The following GNAI1 variants were observed in gnomAD, a reference collection of about 807,000 sequenced individuals.
The protein encoded by GNAI1 is guanine nucleotide-binding protein G(i) subunit alpha-1.
GNAI1 carries 11 observed loss-of-function variants against 38.9 expected under a neutral mutation model. The observed-to-expected ratio is 0.28, with a 90% CI of 0.18 to 0.47. GNAI1 has a LOEUF of 0.47. GNAI1 is among the 20% of genes least tolerant of loss of function. The pLI is 0.99. For missense variants in GNAI1, 317 were observed against 436.9 expected (o/e 0.73, Z 2.45); for synonymous variants, 166 against 145.1 (o/e 1.14, Z -1.04).
In GNAI1 at chr7:80,221,830, G is replaced by C. The variant is rs1195287935; in HGVS notation, c.*4337G>C. On this transcript the variant is annotated 3_prime_UTR_variant, in exon 8 of 8. Coordinates refer to ENST00000649796, the MANE Select transcript of GNAI1 (RefSeq NM_002069.6). Reference sequence around the variant, plus strand: ...GCTAATTTTTGTATTTTTAGTAAAGGGGGGTTTCACCATGTTGGCCAGGAT... The same window carrying C: ...GCTAATTTTTGTATTTTTAGTAAAGCGGGGTTTCACCATGTTGGCCAGGAT... 2.0e-5 allele frequency among the ~76,000 whole-genome samples: 3 copies of C among 151,392 alleles called. No homozygotes were observed. The highest frequency in any genetic ancestry group is 2.0e-4 in the Admixed American group (3 of 15,184).
chr7:80,212,584 A>G, intron 6 of GNAI1, 132 bp from the exon 7 acceptor site: 1 of 547,570 alleles, frequency 1.8e-6, no homozygotes, highest in Non-Finnish European at 3.2e-6. Flanking sequence ...CTGAAATGGC[A>G]GAAATGTATT....
intron 1 of GNAI1, among the ~76,000 whole-genome samples, chr7:80,138,402 AGTTTGGG>A (rs1306106719): frequency 6.6e-6 from 1 of 152,138 alleles, no homozygotes; most frequent in Admixed American, 6.5e-5. Flanking sequence ...ATCAGGCCAG[AGTTTGGG>A]TTGTTTGTCT....
At chr7:80,196,514 G>C (rs1044778273) in intron 3 of GNAI1, among the ~76,000 whole-genome samples, 1 of 151,910 alleles carries the variant, frequency 6.6e-6, no homozygotes, top group African/African-American at 2.4e-5. Context: ...TCCATGGCAA[G>C]ATAAAATCGT....
rs1238109908 is a variant in GNAI1 at position 80,220,528 on chromosome 7, G to A, written c.*3035G>A. 2.0e-5 allele frequency among the ~76,000 whole-genome samples: 3 copies of A among 152,152 alleles called. No homozygotes were observed. The highest frequency in any genetic ancestry group is 2.9e-5 in the Non-Finnish European group (2 of 68,036). On this transcript the variant is annotated 3_prime_UTR_variant, in exon 8 of 8. Transcript: ENST00000649796. ...CAATCCGAGTCCTCCAGCATTGGAC[G>A]AGTGAGCCAATCATTGTCCCAGTTG...
At chr7:80,214,211 A>G (rs1280007819) in intron 7 of GNAI1, among the ~76,000 whole-genome samples, 1 of 152,194 alleles carries the variant, frequency 6.6e-6, no homozygotes, top group African/African-American at 2.4e-5. Flanking sequence ...AATTTCACAC[A>G]TTTACTTACT....
At chr7:80,216,542 C>T (rs1788972538) in intron 7 of GNAI1, among the ~76,000 whole-genome samples, 2 of 152,276 alleles carry the variant, frequency 1.3e-5, no homozygotes, top group East Asian at 3.9e-4. Context: ...CATCTAGCTT[C>T]TTTTGCTCAA....
chr7:80,176,275 A>G (rs893635349), intron 1 of GNAI1, among the ~76,000 whole-genome samples: 3 of 152,212 alleles, frequency 2.0e-5, no homozygotes, highest in South Asian at 2.1e-4. Context: ...CGTTCCGTGA[A>G]GGTTGAGAGA....
intron 1 of GNAI1, among the ~76,000 whole-genome samples, chr7:80,185,634 C>T (rs1055314477): frequency 3.3e-5 from 5 of 152,130 alleles, no homozygotes; most frequent in Admixed American, 6.5e-5. Flanking sequence ...GGCCCTACTA[C>T]GATTAAACTT....
At position 80,211,068 on chromosome 7, in the gene GNAI1, C is replaced by T. The variant is rs71555062; in HGVS notation, c.690C>T (p.Tyr230=). The change falls in exon 6 of 8, where the codon TAC becomes TAT. Residue 230 remains tyrosine (Y), a synonymous_variant. Coordinates refer to ENST00000649796, the MANE Select transcript of GNAI1 (RefSeq NM_002069.6). The part of the protein sequence containing the change: ...AIIFCVALSD[Y]DLVLAEDEEM... ...TCTTCTGTGTAGCACTGAGTGACTA[C>T]GACCTGGTTCTAGCTGAAGATGAAG... 1.5e-3 allele frequency: 2,479 copies of T among 1,613,394 alleles called. 3 individuals are homozygous for T. The highest frequency in any genetic ancestry group is 2.0e-3 in the Non-Finnish European group (2,316 of 1,179,446).
intron 1 of GNAI1, chr7:80,187,545 T>A (rs539544255): frequency 6.6e-6 from 1 of 152,400 alleles, no homozygotes; most frequent in African/African-American, 2.4e-5. Flanking sequence ...AAACAGTGTT[T>A]GAAGATGTGT....
intron 5 of GNAI1, among the ~76,000 whole-genome samples, chr7:80,205,611 T>C (rs1181757911): frequency 1.3e-5 from 2 of 152,088 alleles, no homozygotes; most frequent in African/African-American, 4.8e-5. Context: ...AGATTATGTT[T>C]AGTGGAGTTT....
chr7:80,147,559 AG>A (rs992650608), intron 1 of GNAI1, among the ~76,000 whole-genome samples: 3 of 152,114 alleles, frequency 2.0e-5, no homozygotes, highest in Non-Finnish European at 4.4e-5. Flanking sequence ...CTGTTACAGC[AG>A]GCTTCACTGA....
chr7:80,183,821 A>T (rs541463223), intron 1 of GNAI1, among the ~76,000 whole-genome samples: 1 of 152,286 alleles, frequency 6.6e-6, no homozygotes, highest in East Asian at 1.9e-4. Flanking sequence ...AATCTAGCAA[A>T]GGGTTACCTT....
At chr7:80,199,464 A>G in intron 4 of GNAI1, 82 bp downstream of exon 4, 1 of 1,045,844 alleles carries the variant, frequency 9.6e-7, no homozygotes, top group East Asian at 2.5e-5. Context: ...ATTTTACTGC[A>G]GAATTGGCTG....
At chr7:80,197,856 T>C (rs530406207) in intron 3 of GNAI1, among the ~76,000 whole-genome samples, 1 of 152,252 alleles carries the variant, frequency 6.6e-6, no homozygotes, top group South Asian at 2.1e-4. Flanking sequence ...TGTCAGCTAG[T>C]ACACTCTGCT....
chr7:80,138,065 G>A (rs1359831297), intron 1 of GNAI1, among the ~76,000 whole-genome samples: 1 of 152,134 alleles, frequency 6.6e-6, no homozygotes, highest in African/African-American at 2.4e-5. Context: ...TCTAGGTAAC[G>A]TATAACCAGT....
intron 1 of GNAI1, among the ~76,000 whole-genome samples, chr7:80,152,703 G>A (rs1787749697): frequency 6.6e-6 from 1 of 151,742 alleles, no homozygotes; most frequent in South Asian, 2.1e-4. Flanking sequence ...TGGGACTACA[G>A]GCGCCTGCCA....
intron 1 of GNAI1, among the ~76,000 whole-genome samples, chr7:80,166,829 A>C (rs1394350260): frequency 6.6e-6 from 1 of 152,206 alleles, no homozygotes; most frequent in Non-Finnish European, 1.5e-5. Context: ...GTTCTTAAAA[A>C]TGATTTGCTG....
At chr7:80,211,798 G>A (rs1788879190) in intron 6 of GNAI1, among the ~76,000 whole-genome samples, 1 of 152,134 alleles carries the variant, frequency 6.6e-6, no homozygotes, top group Admixed American at 6.5e-5. Flanking sequence ...TAATATGGGG[G>A]AAATGTTTTT....
Sources: allele counts gnomAD v4.1 joint callset (sites outside exome capture counted in the v4.1 genomes callset), GRCh38; gene constraint gnomAD v4.1.1; transcripts MANE v1.5; gene names NCBI Gene and HGNC (gene_info 2026-07-23, HGNC 2026-07-21).